Variants in FSTL4 observed in about 807,000 individuals in gnomAD.
FSTL4 encodes the protein follistatin like 4, also known as follistatin-related protein 4.
A neutral mutation model predicts 78.2 loss-of-function variants in FSTL4; 28 were observed. The ratio of observed to expected loss-of-function variants is 0.36; its 90% CI spans 0.27 to 0.49. The LOEUF is 0.49. Among genes scored for constraint, FSTL4 ranks in the 20% least tolerant of loss-of-function variants. The pLI, the probability that FSTL4 is intolerant of heterozygous loss-of-function variation, is 0.98. For synonymous variants in FSTL4, 422 were observed against 440.5 expected (o/e 0.96, Z 0.53); for missense variants, 922 against 1,084.9 (o/e 0.85, Z 2.11).
chr5:133,449,649 G>A (rs1221555490), intron 3 of FSTL4, among the ~76,000 whole-genome samples: 1 of 152,172 alleles, frequency 6.6e-6, no homozygotes, highest in East Asian at 1.9e-4. Flanking sequence ...CGGGGTCCGA[G>A]GTGAGGGGTG....
the FSTL4 span, among the ~76,000 whole-genome samples, chr5:133,758,539 T>C: frequency 6.6e-6 from 1 of 152,210 alleles, no homozygotes; most frequent in Non-Finnish European, 1.5e-5. Flanking sequence ...CCAAAATAAG[T>C]ATAAATTCAA....
At chr5:133,273,657 C>G (rs939093056) in intron 6 of FSTL4, among the ~76,000 whole-genome samples, 4 of 152,226 alleles carry the variant, frequency 2.6e-5, no homozygotes, top group African/African-American at 9.6e-5. Flanking sequence ...TTCAGGAACC[C>G]AGCAGGCCCC....
chr5:133,752,863 C>A, the FSTL4 span, among the ~76,000 whole-genome samples: 2 of 152,234 alleles, frequency 1.3e-5, no homozygotes, highest in South Asian at 4.2e-4. Context: ...AGCTCTCTCC[C>A]CTTCTAATGA....
At chr5:133,278,759 A>T (rs1752945204) in intron 6 of FSTL4, among the ~76,000 whole-genome samples, 3 of 152,190 alleles carry the variant, frequency 2.0e-5, no homozygotes, top group Admixed American at 2.0e-4. Context: ...TGCCATCTAG[A>T]AAACGCCAGC....
the FSTL4 span, among the ~76,000 whole-genome samples, chr5:133,766,590 G>C: frequency 6.6e-6 from 1 of 152,208 alleles, no homozygotes; most frequent in Non-Finnish European, 1.5e-5. Context: ...TCCATAGGAA[G>C]GCTGTGGGGT....
At chr5:133,834,378 AC>A in the FSTL4 span, among the ~76,000 whole-genome samples, 1 of 152,236 alleles carries the variant, frequency 6.6e-6, no homozygotes, top group African/African-American at 2.4e-5. Flanking sequence ...ATTTCTAATG[AC>A]AAAAAAAATT....
chr5:133,305,733 A>G (rs1242703307), intron 6 of FSTL4, among the ~76,000 whole-genome samples: 6 of 152,092 alleles, frequency 3.9e-5, no homozygotes, highest in Non-Finnish European at 7.4e-5. Flanking sequence ...CTGACCTAAC[A>G]CCACCTCATC....
the FSTL4 span, among the ~76,000 whole-genome samples, chr5:133,778,468 T>C: frequency 6.6e-6 from 1 of 152,238 alleles, no homozygotes; most frequent in Non-Finnish European, 1.5e-5. Flanking sequence ...ACATTATCTT[T>C]CTTTGCAGAG....
the FSTL4 span, among the ~76,000 whole-genome samples, chr5:133,629,473 A>G: frequency 0.032 from 4,866 of 152,284 alleles, 264 homozygotes; most frequent in African/African-American, 0.11. Flanking sequence ...GAATAGACCA[A>G]TAACAAGTTC....
chr5:133,319,492 G>A (rs1019341019), intron 4 of FSTL4, among the ~76,000 whole-genome samples: 2 of 152,230 alleles, frequency 1.3e-5, no homozygotes, highest in African/African-American at 2.4e-5. Flanking sequence ...GCAGAGGGAA[G>A]AGCAGGCCAG....
At chr5:133,266,929 T>C (rs1463675569) in intron 6 of FSTL4, among the ~76,000 whole-genome samples, 1 of 152,118 alleles carries the variant, frequency 6.6e-6, no homozygotes, top group East Asian at 1.9e-4. Flanking sequence ...ATCTCCCCCA[T>C]GGGAACCAGA....
intron 4 of FSTL4, among the ~76,000 whole-genome samples, chr5:133,352,361 CATATATATACACATAT>C (rs1561683042): frequency 2.7e-5 from 4 of 147,134 alleles, no homozygotes; most frequent in East Asian, 2.0e-4. Flanking sequence ...TATACACACA[CATATATATACACATAT>C]ATATATATAC....
chr5:133,527,869 C>G (rs1053853087), intron 3 of FSTL4, among the ~76,000 whole-genome samples: 1 of 152,180 alleles, frequency 6.6e-6, no homozygotes, highest in Non-Finnish European at 1.5e-5. Context: ...TCAGCCACCC[C>G]ACATGGCAGC....
At position 133,233,433 on chromosome 5, in the gene FSTL4, G is replaced by A. The variant is rs1751557068; in HGVS notation, c.999C>T (p.His333=). 3 of 1,614,212 alleles carry A rather than the reference G, an allele frequency of 1.9e-6. No homozygotes were observed. The highest frequency in any genetic ancestry group is 2.5e-6 in the Non-Finnish European group (3 of 1,180,040). The change falls in exon 8 of 16, where the codon CAC becomes CAT. Residue 333 remains histidine (H), a synonymous_variant. Transcript: ENST00000265342. ...TTTACTAACCATTCACCTGCAGGAC[G>A]TGGGTCTGGAACAGCTGCTCGTGGC... The part of the protein sequence containing the change: ...ASGHEQLFQT[H]VLQVNVPPVI...
At chr5:133,404,418 G>T (rs868372454) in intron 3 of FSTL4, among the ~76,000 whole-genome samples, 6 of 152,164 alleles carry the variant, frequency 3.9e-5, no homozygotes, top group Non-Finnish European at 5.9e-5. Flanking sequence ...AGTACAATGG[G>T]CTTAATTTAT....
chr5:133,199,604 C>T lies in FSTL4; in HGVS notation c.2020G>A (p.Val674Ile), dbSNP rs748954143. Residue 674 changes from valine (V) to isoleucine (I), a missense_variant, in exon 16 of 16, where the codon GTT becomes ATT. Physicochemically the swap from Val to Ile is conservative, Grantham distance 29. Transcript: ENST00000265342. This position sits in a 1 kb window ranked among gnomAD's most constrained non-coding sequence, Gnocchi z 4.4. ...SPASAARQLLVDSVTDSVLGP... is the reference protein window; with the variant it reads ...SPASAARQLLIDSVTDSVLGP... Reference sequence around the variant, plus strand: ...AGCACAGAGTCTGTGACACTGTCAACGAGCAGCTGTCGGGCAGCAGAGGCG... The same window carrying T: ...AGCACAGAGTCTGTGACACTGTCAATGAGCAGCTGTCGGGCAGCAGAGGCG... The T allele has an allele frequency of 3.2e-5, 51 of 1,614,144 alleles. No individual in the cohort carries two copies. The highest frequency in any genetic ancestry group is 1.1e-4 in the South Asian group (10 of 91,078).
chr5:133,544,839 G>A (rs1369277082), intron 3 of FSTL4, among the ~76,000 whole-genome samples: 2 of 152,170 alleles, frequency 1.3e-5, no homozygotes, highest in Non-Finnish European at 2.9e-5. Flanking sequence ...AATATTTGGG[G>A]AGCTAAGAGC....
At chr5:133,766,369 A>G in the FSTL4 span, among the ~76,000 whole-genome samples, 1 of 152,222 alleles carries the variant, frequency 6.6e-6, no homozygotes, top group African/African-American at 2.4e-5. Context: ...AGTCCAAGAT[A>G]GTTACTATCT....
intron 4 of FSTL4, among the ~76,000 whole-genome samples, chr5:133,343,249 G>C (rs1754623615): frequency 6.6e-6 from 1 of 151,922 alleles, no homozygotes; most frequent in Admixed American, 6.5e-5. Context: ...GAGGACAGAG[G>C]GAGGGTTGAC....
Sources: gnomAD v4.1 joint callset for allele counts (sites outside exome capture counted in the v4.1 genomes callset) on GRCh38, gnomAD v4.1.1 for gene constraint, Gnocchi (gnomAD v3.1) non-coding constraint, MANE v1.5 for transcripts, NCBI Gene and HGNC (gene_info 2026-07-23, HGNC 2026-07-21) for gene names.